The following EPC1 variants were observed in gnomAD, a reference collection of about 807,000 sequenced individuals.
EPC1 encodes enhancer of polycomb 1, also known as enhancer of polycomb homolog 1.
Under a neutral mutation model 98.4 loss-of-function variants are expected in EPC1, and 12 were observed. That is an observed-to-expected ratio of 0.12 (90% CI 0.08 to 0.20). EPC1 has a LOEUF of 0.20. Among genes scored for constraint, EPC1 ranks in the 10% least tolerant of loss-of-function variants. EPC1 has a pLI of 1.00. For missense variants in EPC1, 729 were observed against 990.5 expected (o/e 0.74, Z 3.54); for synonymous variants, 357 against 363.9 (o/e 0.98, Z 0.21).
At chr10:32,327,957 GT>G (rs929219685) in intron 1 of EPC1, among the ~76,000 whole-genome samples, 3 of 152,182 alleles carry the variant, frequency 2.0e-5, no homozygotes, top group African/African-American at 7.2e-5. Flanking sequence ...TATGTTGGTT[GT>G]TTTGACTGTG....
Position 32,293,208 on chromosome 10 carries a change from C to A in EPC1, c.460-14G>T. ...CAGACTGACTGGCTAAATGTAAAACCATTATGTCATTTTCATACAATACAC... is the reference window on the plus strand; with the variant it reads ...CAGACTGACTGGCTAAATGTAAAACAATTATGTCATTTTCATACAATACAC... On this transcript the variant is annotated splice_polypyrimidine_tract_variant and intron_variant, in intron 3 of 13. Transcript: ENST00000319778. 1 of 1,586,440 alleles carries A rather than the reference C, an allele frequency of 6.3e-7. No homozygotes were observed. The highest frequency in any genetic ancestry group is 2.2e-5 in the East Asian group (1 of 44,622).
At chr10:32,319,345 T>C (rs920270085) in intron 1 of EPC1, among the ~76,000 whole-genome samples, 2 of 152,070 alleles carry the variant, frequency 1.3e-5, no homozygotes, top group African/African-American at 4.8e-5. Flanking sequence ...TGGCAGAAGA[T>C]AAGAAAGTAA....
chr10:32,359,990 G>T (rs1839392635), intron 1 of EPC1, among the ~76,000 whole-genome samples: 1 of 151,492 alleles, frequency 6.6e-6, no homozygotes, highest in South Asian at 2.1e-4. Context: ...TCATACTTTT[G>T]TATCATTCGT....
In EPC1 at chr10:32,293,013, C is replaced by T. The variant is rs1433910452; in HGVS notation, c.641G>A (p.Arg214His). Residue 214 changes from arginine (R) to histidine (H), a missense_variant, in exon 4 of 14, where the codon CGT (arginine) becomes CAT (histidine). Physicochemically the swap from Arg to His is conservative, Grantham distance 29 (BLOSUM62 0). Around this residue, in one of 6 missense-constraint regions of EPC1, gnomAD observed 39 missense variants for 94.9 expected, o/e 0.41. Coordinates refer to ENST00000319778, the MANE Select transcript of EPC1 (RefSeq NM_001272004.3). Reference sequence around the variant, plus strand: ...TTTTCGAGTCTGCATTTTTTCAGTACGCCTTCTAAAAGCCACATAAGGATC... The same window carrying T: ...TTTTCGAGTCTGCATTTTTTCAGTATGCCTTCTAAAAGCCACATAAGGATC... ...TNDPYVAFRR[R>H]TEKMQTRKNR... 2.5e-6 allele frequency: 4 copies of T among 1,591,420 alleles called. No homozygotes were observed. Among genetic ancestry groups the T allele is most frequent in the East Asian group, 2.3e-5 (1 of 44,304 alleles).
chr10:32,283,964 T>C (rs1011758816), intron 10 of EPC1: 1 of 152,198 alleles, frequency 6.6e-6, no homozygotes, highest in African/African-American at 2.4e-5. Flanking sequence ...ACTATAACCC[T>C]ACAGGGTGAA....
In EPC1 at chr10:32,268,482, A is replaced by AC. The variant is rs1835687575; in HGVS notation, c.*580dup. On this transcript the variant is annotated 3_prime_UTR_variant, in exon 14 of 14. Transcript: ENST00000319778. ...TTTTGTAAAATTCTGTATGTATGTC[A>AC]CCATTTTTTTTCACATGATACACAG... 2.7e-5 allele frequency: 3 copies of AC among 110,744 alleles called. No individual in the cohort carries two copies. The highest frequency in any genetic ancestry group is 5.5e-5 in the Non-Finnish European group (3 of 54,790). 6.9% of individuals were successfully genotyped at this position (110,744 alleles called of 1,614,324 possible).
exon 1 of EPC1, chr10:32,378,515 C>T (rs1592647382): frequency 1.3e-6 from 2 of 1,536,364 alleles, no homozygotes; most frequent in African/African-American, 1.4e-5. Flanking sequence ...AAGAAGACGG[C>T]AGTTCTTGAA....
At position 32,272,972 on chromosome 10, in the gene EPC1, CT is replaced by C. The variant is rs757042152; in HGVS notation, c.1863+190del. 40 of 1,552,444 alleles carry C rather than the reference CT, an allele frequency of 2.6e-5. No homozygotes were observed. The Middle Eastern group carries it at 8.5e-4, about 33-fold the overall frequency. ...CATTTAACTAAGTGCTTTAGTTTTA[CT>C]TTTTAAAATAGGGAGCAGAGGCAAC... is the stretch of plus-strand genomic sequence containing the variant. On this transcript the variant is annotated intron_variant, in intron 11 of 13. Transcript: ENST00000319778.
chr10:32,323,009 AATAAATG>A (rs58488651), intron 1 of EPC1, among the ~76,000 whole-genome samples: 4,945 of 152,270 alleles, frequency 0.032, 265 homozygotes, highest in African/African-American at 0.11. Context: ...TCCTAACACA[AATAAATG>A]ATAAATGCTT....
At chr10:32,303,319 C>T (rs1313833397) in intron 2 of EPC1, among the ~76,000 whole-genome samples, 1 of 152,056 alleles carries the variant, frequency 6.6e-6, no homozygotes, top group Non-Finnish European at 1.5e-5. Context: ...AAACAAACAA[C>T]AACAAACAAC....
At chr10:32,354,340 G>C (rs2133088442) in intron 1 of EPC1, among the ~76,000 whole-genome samples, 1 of 152,196 alleles carries the variant, frequency 6.6e-6, no homozygotes, top group South Asian at 2.1e-4. Flanking sequence ...TGTAATCCCA[G>C]CTACTTGGGA....
rs1473565811 is a variant in EPC1 at position 32,268,221 on chromosome 10, T to C, written c.*842A>G. 6.6e-6 allele frequency: 1 copy of C among 152,178 alleles called. No homozygotes were observed. The highest frequency in any genetic ancestry group is 2.4e-5 in the African/African-American group (1 of 41,438). The allele number at this position is 152,178 out of a possible 1,614,324, so 9.4% of individuals were successfully genotyped here. A position where few individuals can be genotyped will look rare whatever the true frequency, so the allele number is the denominator to read the frequency against. On this transcript the variant is annotated 3_prime_UTR_variant, in exon 14 of 14. Transcript: ENST00000319778. The stretch of plus-strand genomic sequence containing the variant: ...TCCATTTGCATACTTGATTTAACAC[T>C]TTTTGGTGTGGAAGGAAATGGGACT...
At chr10:32,278,700 C>T (rs1324531475) in intron 10 of EPC1, among the ~76,000 whole-genome samples, 2 of 152,064 alleles carry the variant, frequency 1.3e-5, no homozygotes, top group African/African-American at 4.8e-5. Flanking sequence ...AGTACACAGG[C>T]CAAACATTAT....
intron 9 of EPC1, chr10:32,285,733 C>T (rs182356232): frequency 6.6e-6 from 1 of 152,354 alleles, no homozygotes; most frequent in Admixed American, 6.5e-5. Context: ...CCACCTTGGC[C>T]TCCCAAAGTG....
chr10:32,271,148 T>C (rs1356244745), intron 13 of EPC1, among the ~76,000 whole-genome samples: 1 of 151,992 alleles, frequency 6.6e-6, no homozygotes, highest in Non-Finnish European at 1.5e-5. Context: ...TGCGCCACCA[T>C]GCCCGGGTGA....
At chr10:32,333,342 AAAC>A (rs1318550151) in intron 1 of EPC1, among the ~76,000 whole-genome samples, 25 of 152,190 alleles carry the variant, frequency 1.6e-4, no homozygotes, top group African/African-American at 6.0e-4. Flanking sequence ...AAAAACAAAC[AAAC>A]AACAACAAAA....
At chr10:32,304,653 C>T (rs1017450952) in intron 2 of EPC1, among the ~76,000 whole-genome samples, 1 of 152,204 alleles carries the variant, frequency 6.6e-6, no homozygotes, top group African/African-American at 2.4e-5. Context: ...GGCACAGTGG[C>T]TCATGCCTGT....
At chr10:32,375,468 G>A (rs899631845) in intron 1 of EPC1, among the ~76,000 whole-genome samples, 3 of 151,914 alleles carry the variant, frequency 2.0e-5, no homozygotes, top group Non-Finnish European at 2.9e-5. Flanking sequence ...AATTGTGTTG[G>A]TTCATTACAT....
At chr10:32,318,326 T>C (rs950779976) in intron 1 of EPC1, among the ~76,000 whole-genome samples, 1 of 152,158 alleles carries the variant, frequency 6.6e-6, no homozygotes, top group Non-Finnish European at 1.5e-5. Flanking sequence ...TAAAATGCCC[T>C]ACAGCAGCAG....
Sources: gnomAD v4.1 joint callset for allele counts (sites outside exome capture counted in the v4.1 genomes callset) on GRCh38, gnomAD v4.1.1 for gene constraint, gnomAD v4.1.1 regional missense constraint, MANE v1.5 for transcripts, NCBI Gene and HGNC (gene_info 2026-07-23, HGNC 2026-07-21) for gene names.